Variants in MARCHF1 observed in about 807,000 individuals in gnomAD.
MARCHF1 encodes membrane associated ring-CH-type finger 1.
Under a neutral mutation model 54.2 loss-of-function variants are expected in MARCHF1, and 40 were observed. The observed-to-expected ratio is 0.74, with a 90% CI of 0.57 to 0.96. The LOEUF is 0.96. Ranked by LOEUF, MARCHF1 falls within the 40% of genes least tolerant of loss-of-function variation. The probability of loss-of-function intolerance (pLI) is 0.00; values close to 1 mark genes in which losing one functional copy is unlikely to be tolerated. For missense variants in MARCHF1, 586 were observed against 656.5 expected (o/e 0.89, Z 1.17); for synonymous variants, 236 against 236.3 (o/e 1.00, Z 0.01).
intron 4 of MARCHF1, among the ~76,000 whole-genome samples, chr4:163,785,650 G>A (rs963917881): frequency 2.6e-5 from 4 of 151,820 alleles, no homozygotes; most frequent in African/African-American, 9.7e-5. Flanking sequence ...TTTACACATT[G>A]TTAGAATAAT....
At chr4:164,268,145 T>TTAAA (rs1243528743) in intron 1 of MARCHF1, among the ~76,000 whole-genome samples, 1 of 152,180 alleles carries the variant, frequency 6.6e-6, no homozygotes, top group Non-Finnish European at 1.5e-5. Flanking sequence ...TGAAAAGACT[T>TTAAA]TAAATATTTT....
At chr4:164,062,477 C>CTA (rs772815371) in intron 2 of MARCHF1, among the ~76,000 whole-genome samples, 1 of 152,030 alleles carries the variant, frequency 6.6e-6, no homozygotes, top group Non-Finnish European at 1.5e-5. Context: ...AGAGAAATCA[C>CTA]TATATATGGA....
chr4:163,805,563 G>T (rs1210495109), intron 4 of MARCHF1, among the ~76,000 whole-genome samples: 2 of 152,120 alleles, frequency 1.3e-5, no homozygotes, highest in African/African-American at 2.4e-5. Context: ...AAAATAACAA[G>T]TGCTAAATGT....
At chr4:163,558,269 C>A (rs989030950) in intron 8 of MARCHF1, among the ~76,000 whole-genome samples, 1 of 152,134 alleles carries the variant, frequency 6.6e-6, no homozygotes, top group African/African-American at 2.4e-5. Flanking sequence ...AGTGTTCTTC[C>A]CAGATTTCCT....
At chr4:164,178,688 G>A (rs1319260381) in intron 1 of MARCHF1, among the ~76,000 whole-genome samples, 1 of 152,014 alleles carries the variant, frequency 6.6e-6, no homozygotes, top group African/African-American at 2.4e-5. Context: ...GCCATATTTG[G>A]ATGGGTTCGT....
chr4:164,197,998 C>T (rs1246361729), intron 1 of MARCHF1, among the ~76,000 whole-genome samples: 3 of 151,906 alleles, frequency 2.0e-5, no homozygotes, highest in Non-Finnish European at 4.4e-5. Context: ...CAAGGCACTC[C>T]CCTCTACACT....
intron 1 of MARCHF1, among the ~76,000 whole-genome samples, chr4:164,371,759 T>C (rs939812326): frequency 6.6e-6 from 1 of 152,148 alleles, no homozygotes; most frequent in African/African-American, 2.4e-5. Flanking sequence ...CTAAAACCAA[T>C]ATGGAAAGAT....
At chr4:164,033,792 T>C (rs573981189) in intron 2 of MARCHF1, among the ~76,000 whole-genome samples, 4 of 152,276 alleles carry the variant, frequency 2.6e-5, no homozygotes, top group African/African-American at 9.6e-5. Context: ...GGTGAGGCTG[T>C]GGAGAAATAG....
intron 2 of MARCHF1, among the ~76,000 whole-genome samples, chr4:164,042,532 A>G (rs1032170012): frequency 2.0e-5 from 3 of 152,132 alleles, no homozygotes; most frequent in African/African-American, 7.2e-5. Flanking sequence ...CTGTGATCCA[A>G]TCACCTACCA....
At chr4:163,620,604 CACAGAGAGAGAG>C (rs1422982312) in intron 5 of MARCHF1, among the ~76,000 whole-genome samples, 235 of 49,706 alleles carry the variant, frequency 4.7e-3, no homozygotes, top group Middle Eastern at 0.021. Flanking sequence ...CACACACACA[CACAGAGAGAGAG>C]AGAGAGAGAG....
intron 1 of MARCHF1, among the ~76,000 whole-genome samples, chr4:164,276,947 T>TATATATATAGAGAGAG (rs1392528920): frequency 1.9e-4 from 23 of 118,802 alleles, no homozygotes; most frequent in East Asian, 7.5e-4. Context: ...TATATATATA[T>TATATATATAGAGAGAG]AGAGAGAGAG....
chr4:164,356,609 G>C (rs1730546157), intron 1 of MARCHF1, among the ~76,000 whole-genome samples: 1 of 140,960 alleles, frequency 7.1e-6, no homozygotes, highest in Non-Finnish European at 1.6e-5. Flanking sequence ...TCTGGGGACT[G>C]TGGTGGGGTG....
intron 2 of MARCHF1, among the ~76,000 whole-genome samples, chr4:164,052,967 G>C (rs893964916): frequency 6.6e-6 from 1 of 152,068 alleles, no homozygotes; most frequent in Admixed American, 6.6e-5. Flanking sequence ...TTTTCTTTCA[G>C]TAACTGTCTC....
At chr4:164,229,350 A>C (rs966572763) in intron 1 of MARCHF1, among the ~76,000 whole-genome samples, 1 of 152,146 alleles carries the variant, frequency 6.6e-6, no homozygotes, top group Admixed American at 6.6e-5. Context: ...TTCTAGGGAA[A>C]GTTAACTGCC....
At position 163,816,412 on chromosome 4, in the gene MARCHF1, AAC is replaced by A. The variant is rs1300804327; in HGVS notation, c.111+37607_111+37608del. 4.5e-4 allele frequency among the ~76,000 whole-genome samples: 69 copies of A among 152,066 alleles called. 1 individual carries two copies. The highest frequency in any genetic ancestry group is 1.6e-3 in the African/African-American group (65 of 41,514). ...TTTTTTATAAATAGTATTCAAGTTC[AAC>A]TAAAACTCTTTACCTTCATACATAC... On this transcript the variant is annotated intron_variant, in intron 4 of 9. Coordinates refer to ENST00000514618, the MANE Select transcript of MARCHF1 (RefSeq NM_001394959.1).
At position 163,528,439 on chromosome 4, in the gene MARCHF1, T is replaced by G. The variant is rs186238934; in HGVS notation, c.*309A>C. ...TTACTGTGAAGAAGAGTATCATGGG[T>G]CCATTTAATCTTTGATTACTGCCTA... On this transcript the variant is annotated 3_prime_UTR_variant, in exon 10 of 10. Transcript: ENST00000514618. The G allele has an allele frequency of 6.9e-6, 2 of 291,798 alleles. No homozygotes were observed. The highest frequency in any genetic ancestry group is 1.3e-5 in the Non-Finnish European group (2 of 155,886). 18.1% of individuals were successfully genotyped at this position (291,798 alleles called of 1,614,324 possible). A position where few individuals can be genotyped will look rare whatever the true frequency, so the allele number is the denominator to read the frequency against.
At chr4:163,828,407 G>T (rs1748916735) in intron 4 of MARCHF1, among the ~76,000 whole-genome samples, 1 of 151,956 alleles carries the variant, frequency 6.6e-6, no homozygotes, top group African/African-American at 2.4e-5. Context: ...ATAGACTTTT[G>T]TTCTGTGATT....
chr4:163,699,099 C>T (rs750392957), intron 5 of MARCHF1, among the ~76,000 whole-genome samples: 1 of 152,172 alleles, frequency 6.6e-6, no homozygotes, highest in East Asian at 1.9e-4. Context: ...CCTTACTCTC[C>T]AGAGTTAGTG....
chr4:163,751,441 A>AT (rs138812550), intron 4 of MARCHF1, among the ~76,000 whole-genome samples: 3,691 of 151,958 alleles, frequency 0.024, 146 homozygotes, highest in African/African-American at 0.083. Context: ...TCAAACCACC[A>AT]TTTTTTTTAA....
Sources: allele counts gnomAD v4.1 joint callset (sites outside exome capture counted in the v4.1 genomes callset), GRCh38; gene constraint gnomAD v4.1.1; transcripts MANE v1.5; gene names NCBI Gene and HGNC (gene_info 2026-07-23, HGNC 2026-07-21).